The following SMU1 variants were observed in gnomAD, a reference collection of about 807,000 sequenced individuals.
The protein encoded by SMU1 is WD40 repeat-containing protein SMU1.
SMU1 carries 2 observed loss-of-function variants against 62.0 expected under a neutral mutation model. The ratio of observed to expected loss-of-function variants is 0.03; its 90% CI spans 0.01 to 0.10. SMU1 has a LOEUF of 0.10. Among genes scored for constraint, SMU1 ranks in the 10% least tolerant of loss-of-function variants. SMU1 has a pLI of 1.00. For synonymous variants in SMU1, 188 were observed against 212.4 expected (o/e 0.89, Z 1.00); for missense variants, 227 against 622.1 (o/e 0.36, Z 6.76).
chr9:33,042,542 G>A lies in SMU1; in HGVS notation c.*4751C>T, dbSNP rs1839137793. On this transcript the variant is annotated 3_prime_UTR_variant, in exon 12 of 12. Transcript: ENST00000397149. ...CTCTTGGAACAGTGGCAAATTTTCT[G>A]TACGTGAAATTAGCTTCTCAACTTT... The A allele has an allele frequency of 6.6e-6, 1 of 152,198 alleles. No homozygotes were observed. Among genetic ancestry groups the A allele is most frequent in the African/African-American group, 2.4e-5 (1 of 41,446 alleles). The allele number at this position is 152,198 out of a possible 1,614,324, so 9.4% of individuals were successfully genotyped here.
intron 9 of SMU1, among the ~76,000 whole-genome samples, chr9:33,054,350 T>C (rs1839283158): frequency 6.6e-6 from 1 of 152,064 alleles, no homozygotes; most frequent in Admixed American, 6.6e-5. Context: ...GACTCTATCC[T>C]GAGATTTTGA....
chr9:33,073,449 G>GA, intron 2 of SMU1, 147 bp downstream of exon 2: 1 of 598,394 alleles, frequency 1.7e-6, no homozygotes, highest in Non-Finnish European at 3.0e-6. Context: ...CAAGAAGGGA[G>GA]AAAAAATACA....
At chr9:33,052,598 T>G (rs957244934) in intron 10 of SMU1, among the ~76,000 whole-genome samples, 4 of 152,192 alleles carry the variant, frequency 2.6e-5, no homozygotes, top group Admixed American at 6.5e-5. Flanking sequence ...CATACATACC[T>G]AGGGCTTGGG....
chr9:33,065,100 A>G (rs1386581475), intron 4 of SMU1, among the ~76,000 whole-genome samples: 2 of 152,066 alleles, frequency 1.3e-5, no homozygotes, highest in Non-Finnish European at 2.9e-5. Flanking sequence ...TACAGCTTCA[A>G]CTACTACTAT....
chr9:33,055,238 G>A (rs1839291492), intron 9 of SMU1, among the ~76,000 whole-genome samples: 1 of 152,142 alleles, frequency 6.6e-6, no homozygotes, highest in Admixed American at 6.5e-5. Context: ...GTACAGTGGT[G>A]AGAAAATTGC....
Position 33,048,280 on chromosome 9 carries a change from G to A in SMU1, c.1291-22C>T, listed in dbSNP as rs1434267447. The A allele has an allele frequency of 5.0e-6, 8 of 1,606,696 alleles. No individual in the cohort carries two copies. The Admixed American group carries it at 1.0e-4, about 21-fold the overall frequency. On this transcript the variant is annotated intron_variant, in intron 10 of 11. Transcript: ENST00000397149. ...CAATCTAGATCACACCACACCCCAA[G>A]AAAAAAACATCAGGATTAGTAGCAG...
intron 10 of SMU1, among the ~76,000 whole-genome samples, chr9:33,052,540 G>A (rs1299109807): frequency 6.6e-6 from 1 of 152,056 alleles, no homozygotes; most frequent in Non-Finnish European, 1.5e-5. Flanking sequence ...TCTTCTCTAT[G>A]GTCAGCAAGA....
intron 9 of SMU1, 119 bp downstream of exon 9, chr9:33,055,994 A>G: frequency 9.7e-7 from 1 of 1,027,780 alleles, no homozygotes; most frequent in Non-Finnish European, 1.3e-6. Flanking sequence ...AATTACAGCT[A>G]AAATAGCCAG....
chr9:33,076,295 G>A, intron 1 of SMU1, among the ~76,000 whole-genome samples: 1 of 152,188 alleles, frequency 6.6e-6, no homozygotes, highest in East Asian at 1.9e-4. Context: ...CCTTAATTTG[G>A]TCAATCACAG....
rs1467853562 is a variant in SMU1, at chr9:33,050,973, T to G, written c.1290+2150A>C. 1.8e-5 allele frequency among the ~76,000 whole-genome samples: 2 copies of G among 110,074 alleles called. 1 individual carries two copies. Among genetic ancestry groups the G allele is most frequent in the Non-Finnish European group, 4.0e-5 (2 of 50,122 alleles). 72.2% of individuals were successfully genotyped at this position (110,074 alleles called of 152,430 possible). On this transcript the variant is annotated intron_variant, in intron 10 of 11. Transcript: ENST00000397149. ...CGTCTCTACTAAAAATACAAAAAAT[T>G]AGCCGGGCGTGGTGGCGGGCGCCTG... is the stretch of plus-strand genomic sequence containing the variant.
intron 2 of SMU1, among the ~76,000 whole-genome samples, chr9:33,072,850 A>C (rs1045435214): frequency 1.7e-4 from 25 of 151,166 alleles, no homozygotes; most frequent in African/African-American, 5.4e-4. Context: ...AAAAAAAAAA[A>C]CCCGTAAACA....
At chr9:33,068,765 A>G in intron 4 of SMU1, 59 bp downstream of exon 4, 1 of 1,583,484 alleles carries the variant, frequency 6.3e-7, no homozygotes, top group Non-Finnish European at 8.6e-7. Flanking sequence ...TCAGCCTCCC[A>G]AAGTGCAAGG....
chr9:33,056,620 C>T (rs975579790), intron 8 of SMU1, among the ~76,000 whole-genome samples: 2 of 152,154 alleles, frequency 1.3e-5, no homozygotes, highest in African/African-American at 2.4e-5. Context: ...AGCACTGCTA[C>T]CCCCTTTCAA....
chr9:33,049,789 A>ACACACACACACACAC (rs1554680200), intron 10 of SMU1, among the ~76,000 whole-genome samples: 1 of 100,606 alleles, frequency 9.9e-6, no homozygotes, highest in African/African-American at 3.6e-5. Context: ...CACACACACA[A>ACACACACACACACAC]AAGTCGGGCA....
intron 4 of SMU1, among the ~76,000 whole-genome samples, chr9:33,067,495 A>AG (rs1839435526): frequency 1.4e-5 from 2 of 143,046 alleles, no homozygotes; most frequent in South Asian, 4.4e-4. Context: ...AAAGCAGCTT[A>AG]CTTTTTTTTT....
intron 7 of SMU1, among the ~76,000 whole-genome samples, 176 bp from the exon 8 acceptor site, chr9:33,057,140 T>C (rs1264669463): frequency 1.3e-5 from 2 of 152,168 alleles, no homozygotes; most frequent in African/African-American, 2.4e-5. Flanking sequence ...ACTGAATCCT[T>C]TGAAACTTAA....
chr9:33,066,938 T>G (rs564353333), intron 4 of SMU1, among the ~76,000 whole-genome samples: 1 of 151,724 alleles, frequency 6.6e-6, no homozygotes, highest in Non-Finnish European at 1.5e-5. Flanking sequence ...CTAGTCCTGA[T>G]GGGAACAAAA....
At chr9:33,050,121 T>C (rs1390316839) in intron 10 of SMU1, among the ~76,000 whole-genome samples, 3 of 152,074 alleles carry the variant, frequency 2.0e-5, no homozygotes, top group African/African-American at 7.2e-5. Context: ...ACCAGAAGTA[T>C]AGAGATGACA....
chr9:33,072,839 C>CAA (rs573516773), intron 2 of SMU1, among the ~76,000 whole-genome samples: 1 of 139,106 alleles, frequency 7.2e-6, no homozygotes, highest in Non-Finnish European at 1.5e-5. Context: ...AAAAAAAAAA[C>CAA]AAAAAAAAAA....
Sources: gnomAD v4.1 joint callset for allele counts (sites outside exome capture counted in the v4.1 genomes callset) on GRCh38, gnomAD v4.1.1 for gene constraint, MANE v1.5 for transcripts, NCBI Gene and HGNC (gene_info 2026-07-23, HGNC 2026-07-21) for gene names.